APBA2: variants seen among roughly 807,000 people sequenced by gnomAD.
APBA2 encodes amyloid-beta A4 precursor protein-binding family A member 2.
A neutral mutation model predicts 75.0 loss-of-function variants in APBA2; 30 were observed. That is an observed-to-expected ratio of 0.40 (90% CI 0.30 to 0.54). The LOEUF is 0.54. Among genes scored for constraint, APBA2 ranks in the 20% least tolerant of loss-of-function variants. APBA2 has a pLI of 0.49. For missense variants in APBA2, 801 were observed against 1,016.1 expected, an observed-to-expected ratio of 0.79 and a Z score of 2.88; for synonymous variants, 444 against 409.6, an observed-to-expected ratio of 1.08 and a Z score of -1.01.
At chr15:29,053,787 C>A in intron 3 of APBA2, 58 bp from the exon 4 acceptor site, 1 of 1,130,586 alleles carries the variant, frequency 8.8e-7, no homozygotes, top group Non-Finnish European at 1.3e-6. Flanking sequence ...AGTGGCCCCA[C>A]ACATGGCTGG....
chr15:28,940,471 TGAACCC>T (rs1389698746), intron 2 of APBA2, among the ~76,000 whole-genome samples: 4 of 129,194 alleles, frequency 3.1e-5, no homozygotes, highest in South Asian at 2.5e-4. Flanking sequence ...TGAACCCGGG[TGAACCC>T]GGGAGGTGGA....
intron 2 of APBA2, among the ~76,000 whole-genome samples, chr15:28,993,890 T>A (rs1382288159): frequency 6.6e-6 from 1 of 152,006 alleles, no homozygotes; most frequent in Non-Finnish European, 1.5e-5. Flanking sequence ...CTTGGTCAAG[T>A]GACAGCTGCC....
At position 28,985,602 on chromosome 15, in the gene APBA2, A is replaced by C. The variant is rs973317001; in HGVS notation, c.-94-10151A>C. On this transcript the variant is annotated intron_variant, in intron 2 of 14. Transcript: ENST00000683413. ...GACTTCGTTTTTCTTGGAATGAGTA[A>C]ATTGAGGGAAATAGCACATGTTGAG... is the stretch of plus-strand genomic sequence containing the variant. Among the ~76,000 whole-genome samples, 4 of 152,310 alleles carry C rather than the reference A, an allele frequency of 2.6e-5. No homozygotes were observed. In the East Asian group the frequency reaches 7.7e-4, roughly 29 times the overall value.
chr15:29,017,400 T>C, intron 3 of APBA2, among the ~76,000 whole-genome samples: 1 of 69,956 alleles, frequency 1.4e-5, no homozygotes, highest in East Asian at 1.1e-3. Flanking sequence ...TTTCTTTCTT[T>C]TTTTTTTTTT....
chr15:28,932,331 A>G (rs2034607831), intron 2 of APBA2, among the ~76,000 whole-genome samples: 1 of 152,080 alleles, frequency 6.6e-6, no homozygotes, highest in African/African-American at 2.4e-5. Context: ...GCCATGAGGT[A>G]CCCATCCCTT....
At chr15:28,967,965 C>T (rs1220897127) in intron 2 of APBA2, among the ~76,000 whole-genome samples, 2 of 152,204 alleles carry the variant, frequency 1.3e-5, no homozygotes, top group Admixed American at 6.5e-5. Context: ...CCTCTTTTCA[C>T]ACCCCCTGGC....
chr15:28,995,299 T>TGC (rs1254888288), intron 2 of APBA2, among the ~76,000 whole-genome samples: 3 of 151,980 alleles, frequency 2.0e-5, no homozygotes, highest in Non-Finnish European at 1.5e-5. Context: ...AAAGGAGAGG[T>TGC]GGTCCTCCTT....
At chr15:28,957,060 T>C (rs996496424) in intron 2 of APBA2, among the ~76,000 whole-genome samples, 2 of 149,090 alleles carry the variant, frequency 1.3e-5, no homozygotes, top group African/African-American at 4.9e-5. Flanking sequence ...TGAGCTCTTG[T>C]TTTCTTTTTC....
rs188369460 is a variant in APBA2, at chr15:29,113,765, G to T, written c.2038-111G>T. The T allele has an allele frequency of 7.4e-4, 1,031 of 1,386,184 alleles. 1 individual carries two copies. The highest frequency in any genetic ancestry group is 9.4e-4 in the Non-Finnish European group (943 of 998,980). 85.9% of individuals were successfully genotyped at this position (1,386,184 alleles called of 1,614,324 possible). A position where few individuals can be genotyped will look rare whatever the true frequency, so the allele number is the denominator to read the frequency against. On this transcript the variant is annotated intron_variant, in intron 13 of 14. Coordinates refer to ENST00000683413, the MANE Select transcript of APBA2 (RefSeq NM_001353788.2). Reference sequence around the variant, plus strand: ...GTGAGTCAGCGAATTGCACGTGCACGTATTCATCATGTGGCGCTTTTCCCT... The same window carrying T: ...GTGAGTCAGCGAATTGCACGTGCACTTATTCATCATGTGGCGCTTTTCCCT...
At chr15:29,051,098 C>T (rs779020555) in intron 3 of APBA2, among the ~76,000 whole-genome samples, 4 of 152,188 alleles carry the variant, frequency 2.6e-5, no homozygotes, top group Admixed American at 6.5e-5. Context: ...TGCTAAGTCC[C>T]TGACATCACT....
In APBA2 at chr15:29,054,433, TG is replaced by T; in HGVS notation, c.551del (p.Gly184ValfsTer29). Reference protein sequence around the residue: ...VLEAHDQEEDGHYCASKEGYQ... With the variant: ...VLEAHDQEEDXHYCASKEGYQ... ...TTGAGGCCCATGACCAGGAAGAAGATGGTCACTACTGTGCCAGCAAAGAGGG... is the reference window on the plus strand; with the variant it reads ...TTGAGGCCCATGACCAGGAAGAAGATGTCACTACTGTGCCAGCAAAGAGGG... On this transcript the variant is annotated frameshift_variant, in exon 4 of 15. Coordinates refer to ENST00000683413, the MANE Select transcript of APBA2 (RefSeq NM_001353788.2). LOFTEE classifies it high-confidence loss of function. This position sits in a 1 kb window ranked among gnomAD's most constrained non-coding sequence, Gnocchi z 6.1. 2 of 1,614,084 alleles carry T rather than the reference TG, an allele frequency of 1.2e-6. No individual in the cohort carries two copies. The highest frequency in any genetic ancestry group is 1.7e-6 in the Non-Finnish European group (2 of 1,180,030).
Position 28,906,293 on chromosome 15 carries a change from C to G in APBA2, c.-204-15347C>G, listed in dbSNP as rs139745282. Among the ~76,000 whole-genome samples, 1,017 of 152,232 alleles carry G rather than the reference C, an allele frequency of 6.7e-3. 11 individuals are homozygous for G. The highest frequency in any genetic ancestry group is 0.022 in the African/African-American group (918 of 41,550). The stretch of plus-strand genomic sequence containing the variant: ...ATATACACCATGGAATACTATGCAG[C>G]CATAAGAAAGAATGAGTTCATGTCC... On this transcript the variant is annotated intron_variant, in intron 1 of 14. Transcript: ENST00000683413.
intron 2 of APBA2, among the ~76,000 whole-genome samples, chr15:28,972,959 G>A (rs1014322539): frequency 1.3e-5 from 2 of 152,148 alleles, no homozygotes; most frequent in African/African-American, 4.8e-5. Flanking sequence ...CCTCAAATTA[G>A]CATATTTGCA....
chr15:28,956,452 G>A (rs1169611400), intron 2 of APBA2, among the ~76,000 whole-genome samples: 1 of 152,168 alleles, frequency 6.6e-6, no homozygotes, highest in Non-Finnish European at 1.5e-5. Flanking sequence ...CGACAGCCGG[G>A]TTTTGGAGGC....
At chr15:28,919,639 C>T (rs982879818) in intron 1 of APBA2, among the ~76,000 whole-genome samples, 1 of 152,152 alleles carries the variant, frequency 6.6e-6, no homozygotes, top group Non-Finnish European at 1.5e-5. Context: ...TCCTGAACAG[C>T]TTCATCAGCA....
intron 2 of APBA2, among the ~76,000 whole-genome samples, chr15:28,935,029 C>T (rs2034778706): frequency 6.6e-6 from 1 of 152,212 alleles, no homozygotes; most frequent in South Asian, 2.1e-4. Flanking sequence ...GATGCCCACA[C>T]AGTTCCTGGC....
intron 2 of APBA2, among the ~76,000 whole-genome samples, chr15:28,926,821 A>G (rs139706752): frequency 7.9e-4 from 120 of 151,428 alleles, no homozygotes; most frequent in African/African-American, 2.8e-3. Flanking sequence ...TCTTCTTTCA[A>G]AATTTTAAGG....
rs1332500292 is a variant in APBA2, at chr15:29,071,104, G to A, written c.952-3817G>A. 6.6e-6 allele frequency: 3 copies of A among 456,072 alleles called. No homozygotes were observed. The Admixed American group carries it at 7.1e-5, about 11-fold the overall frequency. 28.3% of individuals were successfully genotyped at this position (456,072 alleles called of 1,614,324 possible). A position where few individuals can be genotyped will look rare whatever the true frequency, so the allele number is the denominator to read the frequency against. On this transcript the variant is annotated intron_variant, in intron 4 of 14. Transcript: ENST00000683413. Reference sequence around the variant, plus strand: ...GTTGACGATGGCCTGAGCGGAGTGAGTGTGCACTAGTTTGGTGTTGTTTCA... The same window carrying A: ...GTTGACGATGGCCTGAGCGGAGTGAATGTGCACTAGTTTGGTGTTGTTTCA...
rs544206338 is a variant in APBA2, at chr15:29,045,239, T to C, written c.-40-8606T>C. On this transcript the variant is annotated intron_variant, in intron 3 of 14. Coordinates refer to ENST00000683413, the MANE Select transcript of APBA2 (RefSeq NM_001353788.2). The stretch of plus-strand genomic sequence containing the variant: ...GATTACAGGTGCACGCCACCATGCC[T>C]GGCTAATTTTTTTTTTTTTTTTTTG... Among the ~76,000 whole-genome samples, 86 of 147,862 alleles carry C rather than the reference T, an allele frequency of 5.8e-4. 1 individual carries two copies. The South Asian group carries it at 0.018, about 30-fold the overall frequency.
Sources: allele counts gnomAD v4.1 joint callset (sites outside exome capture counted in the v4.1 genomes callset), GRCh38; gene constraint gnomAD v4.1.1; non-coding constraint Gnocchi (gnomAD v3.1); transcripts MANE v1.5; gene names NCBI Gene and HGNC (gene_info 2026-07-23, HGNC 2026-07-21).